RPAP3: variants seen among roughly 807,000 people sequenced by gnomAD.
The protein encoded by RPAP3 is RNA polymerase II-associated protein 3.
In RPAP3, 58 loss-of-function variants were observed where a neutral mutation model predicts 88.8. The observed-to-expected ratio is 0.65, with a 90% CI of 0.53 to 0.81. RPAP3 has a LOEUF of 0.81. Among genes scored for constraint, RPAP3 ranks in the 40% least tolerant of loss-of-function variants. RPAP3 has a pLI of 0.00. For synonymous variants in RPAP3, 255 were observed against 259.9 expected (o/e 0.98, Z 0.18); for missense variants, 751 against 764.3 (o/e 0.98, Z 0.20).
intron 3 of RPAP3, among the ~76,000 whole-genome samples, chr12:47,700,846 G>A (rs1336374316): frequency 1.3e-5 from 2 of 152,190 alleles, no homozygotes; most frequent in Non-Finnish European, 2.9e-5. Context: ...TTCTCTTTTA[G>A]CACATTTCTA....
intron 9 of RPAP3, among the ~76,000 whole-genome samples, chr12:47,683,035 C>T (rs1181752888): frequency 6.6e-6 from 1 of 152,150 alleles, no homozygotes; most frequent in Non-Finnish European, 1.5e-5. Flanking sequence ...GAACCACTCA[C>T]CCTTTCCAGG....
intron 12 of RPAP3, among the ~76,000 whole-genome samples, chr12:47,671,328 G>A (rs1301824700): frequency 6.6e-6 from 1 of 152,108 alleles, no homozygotes; most frequent in Non-Finnish European, 1.5e-5. Context: ...TTTTGTATAT[G>A]TTTGAAATTT....
At chr12:47,704,084 T>C (rs1333650930) in intron 1 of RPAP3, among the ~76,000 whole-genome samples, 1 of 152,166 alleles carries the variant, frequency 6.6e-6, no homozygotes, top group Non-Finnish European at 1.5e-5. Context: ...TAGAGATAAA[T>C]TCCGGTGTCA....
In RPAP3 at chr12:47,696,228, T is replaced by C. The variant is rs374745795; in HGVS notation, c.545+48A>G. On this transcript the variant is annotated intron_variant, in intron 5 of 16. Coordinates refer to ENST00000005386, the MANE Select transcript of RPAP3 (RefSeq NM_024604.3). Reference sequence around the variant, plus strand: ...CACACTTTTTTTTAATAAGTCTCCATATATACATAAGACATTCACATTCAC... The same window carrying C: ...CACACTTTTTTTTAATAAGTCTCCACATATACATAAGACATTCACATTCAC... 3 of 1,411,886 alleles carry C rather than the reference T, an allele frequency of 2.1e-6. No homozygotes were observed. The African/African-American group carries it at 4.4e-5, about 21-fold the overall frequency. The allele number at this position is 1,411,886 out of a possible 1,614,324, so 87.5% of individuals were successfully genotyped here.
intron 3 of RPAP3, chr12:47,701,220 GA>G: frequency 3.4e-6 from 1 of 294,340 alleles, no homozygotes. Context: ...TTTGTAAAAA[GA>G]AAGAAAAAAG....
At chr12:47,704,331 A>T (rs1200368005) in intron 1 of RPAP3, among the ~76,000 whole-genome samples, 2 of 152,336 alleles carry the variant, frequency 1.3e-5, no homozygotes, top group Admixed American at 6.5e-5. Context: ...AGAGGGAAAG[A>T]AAGTGCATTA....
In RPAP3 at chr12:47,669,067, G is replaced by C. The variant is rs1188779531; in HGVS notation, c.1562C>G (p.Ser521Cys). Residue 521 changes from serine (S) to cysteine (C), a missense_variant, in exon 14 of 17, where the codon TCT (serine) becomes TGT (cysteine). Ser to Cys is a moderately radical substitution (Grantham distance 112). Transcript: ENST00000005386. Reference protein sequence around the residue: ...QASLKQDVCQSYSEKMPIEIE... With the variant: ...QASLKQDVCQCYSEKMPIEIE... ...CTCTATGGGCATTTTCTCGCTGTAA[G>C]ACTGACATACATCCTGCTTCAAACT... The C allele has an allele frequency of 6.2e-7, 1 of 1,613,936 alleles. No individual in the cohort carries two copies. The highest frequency in any genetic ancestry group is 2.2e-5 in the East Asian group (1 of 44,844).
At chr12:47,703,051 G>A (rs1173328751) in intron 1 of RPAP3, among the ~76,000 whole-genome samples, 1 of 152,236 alleles carries the variant, frequency 6.6e-6, no homozygotes, top group Non-Finnish European at 1.5e-5. Flanking sequence ...AAATAGACAA[G>A]TTGAAGCATC....
At chr12:47,705,703 G>T (rs1939778915) in intron 1 of RPAP3, among the ~76,000 whole-genome samples, 2 of 152,154 alleles carry the variant, frequency 1.3e-5, no homozygotes, top group Non-Finnish European at 2.9e-5. Context: ...CAAAATCGCA[G>T]CAGGGTGGAG....
chr12:47,677,131 AC>A (rs1939132039), intron 12 of RPAP3, among the ~76,000 whole-genome samples: 1 of 152,208 alleles, frequency 6.6e-6, no homozygotes, highest in South Asian at 2.1e-4. Flanking sequence ...AACAGAACCA[AC>A]GACAAAAACC....
chr12:47,681,144 C>T (rs568940460), intron 10 of RPAP3, among the ~76,000 whole-genome samples: 94 of 152,234 alleles, frequency 6.2e-4, no homozygotes, highest in Middle Eastern at 3.4e-3. Flanking sequence ...TACATATGCC[C>T]AAGAACTTTT....
intron 3 of RPAP3, among the ~76,000 whole-genome samples, chr12:47,699,229 C>G (rs11168200): frequency 0.29 from 43,998 of 152,098 alleles, 7,144 homozygotes; most frequent in Non-Finnish European, 0.37. Context: ...AGCAGGAGCT[C>G]AATCAATATC....
At chr12:47,702,274 G>A (rs1377744257) in intron 2 of RPAP3, among the ~76,000 whole-genome samples, 2 of 152,108 alleles carry the variant, frequency 1.3e-5, no homozygotes, top group African/African-American at 2.4e-5. Flanking sequence ...GGCCGGGCAC[G>A]GTGGCTCATG....
At chr12:47,680,983 A>C (rs1939212499) in intron 10 of RPAP3, among the ~76,000 whole-genome samples, 1 of 152,040 alleles carries the variant, frequency 6.6e-6, no homozygotes, top group Admixed American at 6.6e-5. Flanking sequence ...CAAAAAAAAA[A>C]AAACAGGCTG....
chr12:47,697,797 T>C (rs1939565078), intron 3 of RPAP3, 78 bp from the exon 4 acceptor site: 7 of 1,280,822 alleles, frequency 5.5e-6, no homozygotes, highest in Admixed American at 4.9e-5. Context: ...ACTAAAAAAA[T>C]ACACTCAAAT....
chr12:47,674,920 A>G (rs894853064), intron 12 of RPAP3, among the ~76,000 whole-genome samples: 2 of 152,150 alleles, frequency 1.3e-5, no homozygotes, highest in Admixed American at 6.5e-5. Context: ...CTCCTCGAGA[A>G]GAGCAACCCC....
At chr12:47,675,899 T>TA (rs558320460) in intron 12 of RPAP3, among the ~76,000 whole-genome samples, 119 of 152,266 alleles carry the variant, frequency 7.8e-4, no homozygotes, top group African/African-American at 2.5e-3. Context: ...GCAGACCTAA[T>TA]AGACATCTAC....
chr12:47,705,219 G>A (rs985210746), intron 1 of RPAP3, among the ~76,000 whole-genome samples: 5 of 152,002 alleles, frequency 3.3e-5, no homozygotes, highest in Admixed American at 3.3e-4. Context: ...GGAGAGAGAC[G>A]GAATTAGAAA....
At chr12:47,692,891 T>G (rs1024950150) in intron 5 of RPAP3, among the ~76,000 whole-genome samples, 3 of 152,202 alleles carry the variant, frequency 2.0e-5, no homozygotes, top group Non-Finnish European at 4.4e-5. Context: ...GTTTGTTTGT[T>G]TGCTTTGAGA....
Sources: gnomAD v4.1 joint callset for allele counts (sites outside exome capture counted in the v4.1 genomes callset) on GRCh38, gnomAD v4.1.1 for gene constraint, MANE v1.5 for transcripts, NCBI Gene and HGNC (gene_info 2026-07-23, HGNC 2026-07-21) for gene names.